The following CSTPP1 variants were observed in gnomAD, a reference collection of about 807,000 sequenced individuals.
The protein encoded by CSTPP1 is centriolar satellite-associated tubulin polyglutamylase complex regulator 1, also known as UPF0705 protein C11orf49.
At chr11:47,163,496 C>T in the CSTPP1 span, among the ~76,000 whole-genome samples, 2 of 152,198 alleles carry the variant, frequency 1.3e-5, no homozygotes, top group African/African-American at 4.8e-5. Context: ...ACCGTGAGGA[C>T]TCCTAAGGTG....
chr11:47,023,838 T>G, the CSTPP1 span, among the ~76,000 whole-genome samples: 2 of 152,232 alleles, frequency 1.3e-5, no homozygotes, highest in African/African-American at 4.8e-5. Context: ...TATCACATTT[T>G]GCTTATCTGT....
the CSTPP1 span, among the ~76,000 whole-genome samples, chr11:46,982,635 C>T: frequency 6.6e-6 from 1 of 152,020 alleles, no homozygotes; most frequent in Non-Finnish European, 1.5e-5. Flanking sequence ...AAATTAGGGC[C>T]TGCTGAGTAA....
chr11:46,994,412 G>A, the CSTPP1 span, among the ~76,000 whole-genome samples: 2 of 152,124 alleles, frequency 1.3e-5, no homozygotes, highest in African/African-American at 4.8e-5. Context: ...TTGGCTGTGG[G>A]ATTGTCATAA....
chr11:47,070,289 C>T, the CSTPP1 span, among the ~76,000 whole-genome samples: 1 of 151,562 alleles, frequency 6.6e-6, no homozygotes. Flanking sequence ...AGAGAGAGAG[C>T]TGGAAGTATG....
chr11:46,986,115 C>G, the CSTPP1 span, among the ~76,000 whole-genome samples: 2 of 152,160 alleles, frequency 1.3e-5, no homozygotes, highest in Non-Finnish European at 2.9e-5. Flanking sequence ...TTTTGAGAAA[C>G]ATAGTTAAAT....
the CSTPP1 span, among the ~76,000 whole-genome samples, chr11:47,130,517 C>A: frequency 6.6e-6 from 1 of 152,172 alleles, no homozygotes; most frequent in Non-Finnish European, 1.5e-5. Context: ...AATAACACAG[C>A]CTTCTCTTCT....
chr11:47,016,390 C>CAAAAAAAAAAAAAAAAAAAA, the CSTPP1 span, among the ~76,000 whole-genome samples: 1 of 125,848 alleles, frequency 7.9e-6, no homozygotes, highest in Non-Finnish European at 1.6e-5. Flanking sequence ...ATGGAATCTA[C>CAAAAAAAAAAAAAAAAAAAA]AAAAAACAAA....
the CSTPP1 span, among the ~76,000 whole-genome samples, chr11:47,049,568 A>G: frequency 6.6e-6 from 1 of 151,922 alleles, no homozygotes; most frequent in African/African-American, 2.4e-5. Flanking sequence ...TTGAGCCTGG[A>G]GGGCAGAGGT....
chr11:47,012,189 C>T, the CSTPP1 span, among the ~76,000 whole-genome samples: 1 of 151,916 alleles, frequency 6.6e-6, no homozygotes, highest in Admixed American at 6.5e-5. Flanking sequence ...AAGAGGATTG[C>T]TTCAGCCCAG....
the CSTPP1 span, among the ~76,000 whole-genome samples, chr11:46,980,000 G>A: frequency 6.6e-6 from 1 of 152,086 alleles, no homozygotes; most frequent in South Asian, 2.1e-4. Flanking sequence ...ATTTAGGCTG[G>A]AAATACTGAG....
At chr11:47,137,986 G>A in the CSTPP1 span, 1 of 553,356 alleles carries the variant, frequency 1.8e-6, no homozygotes, top group South Asian at 2.3e-5. Flanking sequence ...TGAAGAGGCA[G>A]AAAAAGCCCA....
the CSTPP1 span, among the ~76,000 whole-genome samples, chr11:47,116,875 G>T: frequency 9.9e-5 from 15 of 152,026 alleles, no homozygotes; most frequent in Admixed American, 2.0e-4. Flanking sequence ...TAGAGACGGG[G>T]TTTCACCATG....
At chr11:47,157,267 A>C in the CSTPP1 span, 3 of 1,511,722 alleles carry the variant, frequency 2.0e-6, no homozygotes, top group South Asian at 1.3e-5. Flanking sequence ...AGGGGGTCGG[A>C]CTGCTGGCTG....
the CSTPP1 span, among the ~76,000 whole-genome samples, chr11:47,043,589 C>T: frequency 3.9e-5 from 6 of 152,160 alleles, no homozygotes; most frequent in Admixed American, 1.3e-4. Flanking sequence ...TGAACTTATA[C>T]GCTGAAATTC....
the CSTPP1 span, among the ~76,000 whole-genome samples, chr11:47,110,982 C>T: frequency 3.3e-5 from 5 of 151,788 alleles, no homozygotes; most frequent in South Asian, 2.1e-4. Context: ...CTCCGCCTCC[C>T]GGGTTCACGC....
the CSTPP1 span, among the ~76,000 whole-genome samples, chr11:46,979,106 G>A: frequency 6.6e-6 from 1 of 152,000 alleles, no homozygotes; most frequent in Non-Finnish European, 1.5e-5. Flanking sequence ...TACATGGTTT[G>A]CCCCCAAAGG....
the CSTPP1 span, among the ~76,000 whole-genome samples, chr11:46,960,065 C>T: frequency 6.6e-6 from 1 of 152,122 alleles, no homozygotes; most frequent in African/African-American, 2.4e-5. Flanking sequence ...CAGCGTTTCA[C>T]CATGCTGGCC....
At chr11:46,996,680 G>C in the CSTPP1 span, among the ~76,000 whole-genome samples, 2 of 152,096 alleles carry the variant, frequency 1.3e-5, no homozygotes, top group Non-Finnish European at 2.9e-5. Context: ...TTACAATTTG[G>C]CATGTTTTTG....
the CSTPP1 span, among the ~76,000 whole-genome samples, chr11:46,947,005 C>T: frequency 6.6e-6 from 1 of 152,144 alleles, no homozygotes; most frequent in Non-Finnish European, 1.5e-5. Flanking sequence ...CTATGTTTTT[C>T]CCCCCTTCCA....
Sources: allele counts gnomAD v4.1 joint callset (sites outside exome capture counted in the v4.1 genomes callset), GRCh38; gene constraint gnomAD v4.1.1; transcripts MANE v1.5; gene names NCBI Gene and HGNC (gene_info 2026-07-23, HGNC 2026-07-21).